COL5A2: variants seen among roughly 807,000 people sequenced by gnomAD.
The protein encoded by COL5A2 is collagen alpha-2(V) chain.
COL5A2 carries 23 observed loss-of-function variants against 208.2 expected under a neutral mutation model. The ratio of observed to expected loss-of-function variants is 0.11; its 90% CI spans 0.08 to 0.16. The LOEUF is 0.16. Ranked by LOEUF, COL5A2 falls within the 10% of genes least tolerant of loss-of-function variation. The probability of loss-of-function intolerance (pLI) is 1.00; values close to 1 mark genes in which losing one functional copy is unlikely to be tolerated. For missense variants in COL5A2, 1,590 were observed against 1,956.4 expected, an observed-to-expected ratio of 0.81 and a Z score of 3.53; for synonymous variants, 625 against 628.5, an observed-to-expected ratio of 0.99 and a Z score of 0.08.
chr2:189,321,823 A>G, the COL5A2 span, among the ~76,000 whole-genome samples: 2 of 152,208 alleles, frequency 1.3e-5, no homozygotes, highest in Non-Finnish European at 2.9e-5. Flanking sequence ...TGCACCAAGC[A>G]GACCTAATAG....
At chr2:189,131,793 G>T (rs888268209) in intron 1 of COL5A2, among the ~76,000 whole-genome samples, 1 of 152,124 alleles carries the variant, frequency 6.6e-6, no homozygotes, top group African/African-American at 2.4e-5. Flanking sequence ...TCCTCTAAGA[G>T]AATTTCTTCA....
the COL5A2 span, among the ~76,000 whole-genome samples, chr2:189,360,630 A>G: frequency 1.1e-4 from 16 of 151,964 alleles, no homozygotes; most frequent in Admixed American, 1.0e-3. Context: ...GTTTTATTTT[A>G]TTTTAACTTC....
At chr2:189,245,025 A>C in the COL5A2 span, among the ~76,000 whole-genome samples, 1 of 152,178 alleles carries the variant, frequency 6.6e-6, no homozygotes, top group Non-Finnish European at 1.5e-5. Flanking sequence ...AGATCTCATG[A>C]GACTTATTCA....
chr2:189,153,974 G>T (rs1688195764), intron 1 of COL5A2, among the ~76,000 whole-genome samples: 1 of 151,968 alleles, frequency 6.6e-6, no homozygotes, highest in African/African-American at 2.4e-5. Flanking sequence ...AATATTCCCT[G>T]GCTATGGAAA....
At chr2:189,169,440 G>A (rs935444587) in intron 1 of COL5A2, among the ~76,000 whole-genome samples, 2 of 152,006 alleles carry the variant, frequency 1.3e-5, no homozygotes, top group African/African-American at 4.8e-5. Flanking sequence ...TTTTGTATTA[G>A]TAAACCTACA....
chr2:189,044,567 C>T (rs1268988740), intron 47 of COL5A2, among the ~76,000 whole-genome samples: 1 of 152,084 alleles, frequency 6.6e-6, no homozygotes, highest in Non-Finnish European at 1.5e-5. Context: ...ATTTGCCAGT[C>T]AAGCTCAAAT....
chr2:189,357,114 C>T, the COL5A2 span, among the ~76,000 whole-genome samples: 1 of 152,168 alleles, frequency 6.6e-6, no homozygotes, highest in Non-Finnish European at 1.5e-5. Context: ...AAGCTTTGTC[C>T]CAGAGGGCCA....
At chr2:189,084,346 T>C (rs1479524957) in intron 11 of COL5A2, among the ~76,000 whole-genome samples, 2 of 152,178 alleles carry the variant, frequency 1.3e-5, no homozygotes, top group African/African-American at 4.8e-5. Context: ...TAAACATACA[T>C]GTATGCTATA....
intron 1 of COL5A2, among the ~76,000 whole-genome samples, chr2:189,199,718 C>T (rs1667909146): frequency 6.6e-6 from 1 of 152,134 alleles, no homozygotes; most frequent in Admixed American, 6.5e-5. Flanking sequence ...AAAGCCTGTA[C>T]AATTCAAAGT....
the COL5A2 span, among the ~76,000 whole-genome samples, chr2:189,329,943 G>GA: frequency 6.6e-6 from 1 of 150,984 alleles, no homozygotes; most frequent in African/African-American, 2.4e-5. Context: ...TAAGAGAGAG[G>GA]AAAAAAATCT....
chr2:189,367,865 T>C, the COL5A2 span, among the ~76,000 whole-genome samples: 1 of 152,328 alleles, frequency 6.6e-6, no homozygotes, highest in African/African-American at 2.4e-5. Flanking sequence ...TAATTGTAAT[T>C]ACATTATTAC....
intron 5 of COL5A2, among the ~76,000 whole-genome samples, chr2:189,098,252 A>G (rs556308076): frequency 6.6e-6 from 1 of 152,244 alleles, no homozygotes; most frequent in Non-Finnish European, 1.5e-5. Flanking sequence ...GTGTGTGTAT[A>G]TGTTATGAAT....
the COL5A2 span, among the ~76,000 whole-genome samples, chr2:189,413,459 G>A: frequency 2.0e-5 from 3 of 152,128 alleles, no homozygotes; most frequent in African/African-American, 7.2e-5. Context: ...AAAGGATGAC[G>A]ACTGGGCCCA....
chr2:189,345,892 TATTAC>T, the COL5A2 span, among the ~76,000 whole-genome samples: 7 of 152,220 alleles, frequency 4.6e-5, no homozygotes, highest in African/African-American at 4.8e-5. Flanking sequence ...TAAGTCATTA[TATTAC>T]ATTACATTAC....
At chr2:189,285,746 T>A in the COL5A2 span, among the ~76,000 whole-genome samples, 2 of 152,192 alleles carry the variant, frequency 1.3e-5, no homozygotes, top group East Asian at 3.8e-4. Context: ...AAAGATAATG[T>A]ATCCCTGAAG....
intron 51 of COL5A2, among the ~76,000 whole-genome samples, chr2:189,038,430 A>G (rs1223260920): frequency 6.6e-6 from 1 of 152,178 alleles, no homozygotes; most frequent in East Asian, 1.9e-4. Context: ...CCAATCTACC[A>G]TTGATGGGCA....
intron 6 of COL5A2, among the ~76,000 whole-genome samples, chr2:189,093,274 T>C (rs1416750906): frequency 6.6e-6 from 1 of 152,154 alleles, no homozygotes; most frequent in Non-Finnish European, 1.5e-5. Flanking sequence ...CCCTAAAGAA[T>C]CTTGAAAGGC....
chr2:189,215,935 T>C (rs1689273307), intron 1 of COL5A2, among the ~76,000 whole-genome samples: 1 of 152,124 alleles, frequency 6.6e-6, no homozygotes, highest in Non-Finnish European at 1.5e-5. Context: ...ACAGCAAAAA[T>C]GGTTACAGGT....
At chr2:189,275,082 T>C in the COL5A2 span, among the ~76,000 whole-genome samples, 2 of 152,146 alleles carry the variant, frequency 1.3e-5, no homozygotes, top group African/African-American at 2.4e-5. Flanking sequence ...TTAGTTCCTT[T>C]GGCTATATTA....
Sources: allele counts gnomAD v4.1 joint callset (sites outside exome capture counted in the v4.1 genomes callset), GRCh38; gene constraint gnomAD v4.1.1; transcripts MANE v1.5; gene names NCBI Gene and HGNC (gene_info 2026-07-23, HGNC 2026-07-21).